EVL: variants seen among roughly 807,000 people sequenced by gnomAD.
EVL encodes the protein Enah/Vasp-like, also known as ena/VASP-like protein.
Under a neutral mutation model 59.6 loss-of-function variants are expected in EVL, and 21 were observed. The ratio of observed to expected loss-of-function variants is 0.35; its 90% CI spans 0.25 to 0.51. EVL has a LOEUF of 0.51. Among genes scored for constraint, EVL ranks in the 20% least tolerant of loss-of-function variants. The pLI is 0.97. For missense variants in EVL, 462 were observed against 546.6 expected, an observed-to-expected ratio of 0.85 and a Z score of 1.54; for synonymous variants, 198 against 203.5, an observed-to-expected ratio of 0.97 and a Z score of 0.23.
chr14:100,069,349 A>G (rs555854041), intron 1 of EVL, among the ~76,000 whole-genome samples: 1 of 152,334 alleles, frequency 6.6e-6, no homozygotes, highest in East Asian at 1.9e-4. Flanking sequence ...ACTGTGCTGC[A>G]CATCTTGAAG....
chr14:99,999,918 A>G (rs1421942524), intron 1 of EVL, among the ~76,000 whole-genome samples: 2 of 152,206 alleles, frequency 1.3e-5, no homozygotes, highest in African/African-American at 4.8e-5. Context: ...GTTTTTGCCT[A>G]GTAATTCTTT....
At chr14:99,986,163 G>C (rs1193696548) in intron 1 of EVL, among the ~76,000 whole-genome samples, 1 of 151,396 alleles carries the variant, frequency 6.6e-6, no homozygotes, top group Non-Finnish European at 1.5e-5. Flanking sequence ...GTGGTGGCAT[G>C]TGCCTGTAGT....
intron 3 of EVL, chr14:100,107,433 C>G (rs1886641264): frequency 2.5e-6 from 1 of 397,640 alleles, no homozygotes; most frequent in Non-Finnish European, 4.4e-6. Flanking sequence ...ACTGGGTTTA[C>G]ATTTACAGAT....
At chr14:100,062,990 C>T (rs547598551), upstream of EVL, among the ~76,000 whole-genome samples, 48 of 152,178 alleles carry the variant, frequency 3.2e-4, no homozygotes, top group Non-Finnish European at 5.4e-4. Context: ...CCTAACTACT[C>T]AGGAAGCTGA....
rs1030879401 is a variant in EVL at position 100,143,864 on chromosome 14, C to T, written c.*126C>T. On this transcript the variant is annotated 3_prime_UTR_variant, in exon 14 of 14. Coordinates refer to ENST00000392920, the MANE Select transcript of EVL (RefSeq NM_016337.3). The stretch of plus-strand genomic sequence containing the variant: ...GGAGCCTGGGCGCGCTGCTGTGAAA[C>T]GTCCTGACCTGTGATCACACATGAC... 22 of 1,139,156 alleles carry T rather than the reference C, an allele frequency of 1.9e-5. No homozygotes were observed. Among genetic ancestry groups the T allele is most frequent in the Admixed American group, 4.6e-5 (2 of 43,076 alleles). The allele number at this position is 1,139,156 out of a possible 1,614,324, so 70.6% of individuals were successfully genotyped here.
intron 1 of EVL, among the ~76,000 whole-genome samples, chr14:99,997,627 C>G (rs1445795458): frequency 6.6e-6 from 1 of 152,148 alleles, no homozygotes; most frequent in Non-Finnish European, 1.5e-5. Flanking sequence ...AGAGGACAGA[C>G]CTATCAGGGT....
intron 4 of EVL, among the ~76,000 whole-genome samples, chr14:100,124,464 G>A (rs1166232447): frequency 1.3e-5 from 2 of 152,172 alleles, no homozygotes; most frequent in Admixed American, 1.3e-4. Context: ...CCAAGCCTCC[G>A]TTTCCCGGTT....
chr14:99,984,447 A>G (rs1404370344), intron 1 of EVL, among the ~76,000 whole-genome samples: 1 of 152,182 alleles, frequency 6.6e-6, no homozygotes, highest in Non-Finnish European at 1.5e-5. Context: ...GGATGAATGA[A>G]TGCTTTTCTT....
At chr14:100,031,107 T>C (rs2061308227) in intron 1 of EVL, among the ~76,000 whole-genome samples, 1 of 152,210 alleles carries the variant, frequency 6.6e-6, no homozygotes, top group Non-Finnish European at 1.5e-5. Flanking sequence ...GAGAATCAAC[T>C]AAAGAGCTTT....
exon 1 of EVL, chr14:99,971,459 C>T (rs915641109): frequency 2.0e-5 from 3 of 151,880 alleles, no homozygotes; most frequent in African/African-American, 7.2e-5. Flanking sequence ...GGTGGGGCCC[C>T]GCGCCTTTTG....
chr14:100,080,447 C>A (rs1328877384), intron 1 of EVL, among the ~76,000 whole-genome samples: 2 of 152,188 alleles, frequency 1.3e-5, no homozygotes, highest in Non-Finnish European at 2.9e-5. Flanking sequence ...GAGTACTCAG[C>A]GCTTGTCTGA....
In EVL at chr14:100,127,429, C is replaced by T. The variant is rs1157963025; in HGVS notation, c.487+658C>T. On this transcript the variant is annotated intron_variant, in intron 5 of 13. Coordinates refer to ENST00000392920, the MANE Select transcript of EVL (RefSeq NM_016337.3). This position sits in a 1 kb window ranked among gnomAD's most constrained non-coding sequence, Gnocchi z 4.2. ...TGTTGACTGATGAGAAACCCGAGCC[C>T]CCACTGGTTACAGGAACGCTCTGCT... Among the ~76,000 whole-genome samples the T allele has an allele frequency of 6.6e-6, 1 of 152,168 alleles. No homozygotes were observed. Among genetic ancestry groups the T allele is most frequent in the Non-Finnish European group, 1.5e-5 (1 of 68,028 alleles).
At chr14:100,058,853 T>A (rs539046844) in intron 1 of EVL, among the ~76,000 whole-genome samples, 1 of 152,362 alleles carries the variant, frequency 6.6e-6, no homozygotes, top group Admixed American at 6.5e-5. Flanking sequence ...AGAGTTAAAA[T>A]AGTACTCTAT....
intron 2 of EVL, among the ~76,000 whole-genome samples, chr14:100,087,162 TATC>T (rs1395548484): frequency 2.0e-5 from 3 of 152,242 alleles, no homozygotes; most frequent in Non-Finnish European, 2.9e-5. Flanking sequence ...GTACAAGAAT[TATC>T]ATCACCATTT....
At chr14:100,069,768 T>C (rs566169166) in intron 1 of EVL, among the ~76,000 whole-genome samples, 1 of 152,274 alleles carries the variant, frequency 6.6e-6, no homozygotes, top group South Asian at 2.1e-4. Context: ...ACTAGTGTAG[T>C]CCAATGGCTT....
At chr14:100,006,441 C>G (rs1343018908) in intron 1 of EVL, among the ~76,000 whole-genome samples, 1 of 151,996 alleles carries the variant, frequency 6.6e-6, no homozygotes, top group Non-Finnish European at 1.5e-5. Context: ...CCTGCCACCA[C>G]ACCTGGCTGG....
intron 1 of EVL, among the ~76,000 whole-genome samples, chr14:100,031,629 A>T (rs2061316118): frequency 6.6e-6 from 1 of 152,214 alleles, no homozygotes; most frequent in Non-Finnish European, 1.5e-5. Context: ...TTTGATACTC[A>T]GTGACTAGTC....
intron 1 of EVL, among the ~76,000 whole-genome samples, chr14:99,981,705 A>G (rs775094759): frequency 6.6e-6 from 1 of 152,260 alleles, no homozygotes; most frequent in African/African-American, 2.4e-5. Context: ...TCTGTTAAGT[A>G]TGCAGTAGCA....
chr14:99,976,669 T>C (rs577174486), intron 1 of EVL, among the ~76,000 whole-genome samples: 2 of 152,350 alleles, frequency 1.3e-5, no homozygotes, highest in South Asian at 4.1e-4. Flanking sequence ...ATGGGAGCAC[T>C]TACAATTGGC....
Sources: allele counts gnomAD v4.1 joint callset (sites outside exome capture counted in the v4.1 genomes callset), GRCh38; gene constraint gnomAD v4.1.1; non-coding constraint Gnocchi (gnomAD v3.1); transcripts MANE v1.5; gene names NCBI Gene and HGNC (gene_info 2026-07-23, HGNC 2026-07-21).